Variants in DGKI observed in about 807,000 individuals in gnomAD.
The protein encoded by DGKI is diacylglycerol kinase iota.
Under a neutral mutation model 147.5 loss-of-function variants are expected in DGKI, and 55 were observed. That is an observed-to-expected ratio of 0.37 (90% CI 0.30 to 0.47). The LOEUF (loss-of-function observed/expected upper bound fraction) is 0.47, where lower values mean the gene tolerates loss of function less well. DGKI is among the 20% of genes least tolerant of loss of function. DGKI has a pLI of 1.00. For synonymous variants in DGKI, 469 were observed against 477.1 expected (o/e 0.98, Z 0.22); for missense variants, 1,007 against 1,323.8 (o/e 0.76, Z 3.71).
intron 1 of DGKI, among the ~76,000 whole-genome samples, chr7:137,833,260 C>A (rs191112553): frequency 6.6e-6 from 1 of 152,138 alleles, no homozygotes; most frequent in East Asian, 1.9e-4. Flanking sequence ...AAGACATACC[C>A]GAGACTGGGC....
intron 5 of DGKI, 133 bp downstream of exon 5, chr7:137,654,599 T>C (rs988616125): frequency 7.2e-6 from 5 of 693,326 alleles, no homozygotes; most frequent in Non-Finnish European, 1.3e-5. Context: ...TGCTTATTGA[T>C]GTGTTAACAA....
intron 27 of DGKI, among the ~76,000 whole-genome samples, chr7:137,460,747 T>C (rs139207185): frequency 2.6e-5 from 4 of 152,302 alleles, no homozygotes; most frequent in Non-Finnish European, 5.9e-5. Context: ...CTCCAACTTG[T>C]ACAATACAAA....
chr7:137,568,178 A>G (rs1818656418), intron 19 of DGKI, among the ~76,000 whole-genome samples: 1 of 152,176 alleles, frequency 6.6e-6, no homozygotes, highest in South Asian at 2.1e-4. Flanking sequence ...CATCTTTAGC[A>G]CCACCTGTGA....
chr7:137,485,353 G>A lies in DGKI; in HGVS notation c.2373+21C>T, dbSNP rs780041334. The A allele has an allele frequency of 6.3e-6, 10 of 1,591,236 alleles. No individual in the cohort carries two copies. In the South Asian group the frequency reaches 1.1e-4, roughly 18 times the overall value. ...CATTTGGCCAGAAGGTAAGAAACAA[G>A]GAGAGTCAATTATTTGTTACCTGGT... On this transcript the variant is annotated intron_variant, in intron 23 of 32. Transcript: ENST00000614521.
chr7:137,467,015 G>A (rs893775241), intron 24 of DGKI, 73 bp from the exon 25 acceptor site: 27 of 1,454,656 alleles, frequency 1.9e-5, no homozygotes, highest in Admixed American at 3.4e-5. Flanking sequence ...CCTTCTCTTC[G>A]ACTATGCTGG....
intron 11 of DGKI, among the ~76,000 whole-genome samples, chr7:137,598,906 C>T (rs1819889953): frequency 6.6e-6 from 1 of 151,946 alleles, no homozygotes; most frequent in African/African-American, 2.4e-5. Flanking sequence ...GAGGAAGAAT[C>T]TTGCAGCAAA....
rs151073132 is a variant in DGKI at position 137,391,415 on chromosome 7, A to C, written c.3058-79T>G. ...CTAGTCGTGAAATACAAAAACAAAAAACAAAACAAAACAAAAATCACAGAA... is the reference window on the plus strand; with the variant it reads ...CTAGTCGTGAAATACAAAAACAAAACACAAAACAAAACAAAAATCACAGAA... On this transcript the variant is annotated intron_variant, in intron 32 of 32. Coordinates refer to ENST00000614521, the MANE Select transcript of DGKI (RefSeq NM_001321708.2). 131 of 949,778 alleles carry C rather than the reference A, an allele frequency of 1.4e-4. 1 individual carries two copies. The East Asian group carries it at 3.3e-3, about 24-fold the overall frequency. 58.8% of individuals were successfully genotyped at this position (949,778 alleles called of 1,614,324 possible). A position where few individuals can be genotyped will look rare whatever the true frequency, so the allele number is the denominator to read the frequency against.
chr7:137,765,092 T>A (rs1795973101), intron 1 of DGKI, among the ~76,000 whole-genome samples: 1 of 152,190 alleles, frequency 6.6e-6, no homozygotes, highest in South Asian at 2.1e-4. Flanking sequence ...TGGGCAAACA[T>A]GAGGCGCCAG....
chr7:137,389,241 C>T lies in DGKI; in HGVS notation c.*1979G>A, dbSNP rs1811273734. On this transcript the variant is annotated 3_prime_UTR_variant, in exon 33 of 33. Transcript: ENST00000614521. Reference sequence around the variant, plus strand: ...CTGGAAACAATCTGCTGCAGTGTCTCCTGTAATATCCAAAGGATAGTTCCA... The same window carrying T: ...CTGGAAACAATCTGCTGCAGTGTCTTCTGTAATATCCAAAGGATAGTTCCA... The T allele has an allele frequency of 6.6e-6, 1 of 152,118 alleles. No individual in the cohort carries two copies. Among genetic ancestry groups the T allele is most frequent in the African/African-American group, 2.4e-5 (1 of 41,428 alleles). The allele number at this position is 152,118 out of a possible 1,614,324, so 9.4% of individuals were successfully genotyped here. A position where few individuals can be genotyped will look rare whatever the true frequency, so the allele number is the denominator to read the frequency against.
Position 137,391,015 on chromosome 7 carries a change from G to T in DGKI, c.*205C>A, listed in dbSNP as rs180913379. On this transcript the variant is annotated 3_prime_UTR_variant, in exon 33 of 33. Transcript: ENST00000614521. ...CGTACTGTATTCCACAAATCTCCAGGTATCCTGCCTCCTTCTCAATGGGCT... is the reference window on the plus strand; with the variant it reads ...CGTACTGTATTCCACAAATCTCCAGTTATCCTGCCTCCTTCTCAATGGGCT... 5.3e-6 allele frequency: 3 copies of T among 567,484 alleles called. No individual in the cohort carries two copies. The East Asian group carries it at 9.2e-5, about 17-fold the overall frequency. The allele number at this position is 567,484 out of a possible 1,614,324, so 35.2% of individuals were successfully genotyped here.
intron 20 of DGKI, among the ~76,000 whole-genome samples, chr7:137,546,616 C>G (rs1353808616): frequency 6.6e-6 from 1 of 152,208 alleles, no homozygotes; most frequent in African/African-American, 2.4e-5. Context: ...AGATTTCTCC[C>G]TTTTCTCCCT....
chr7:137,672,781 T>C (rs1196138505), intron 3 of DGKI, among the ~76,000 whole-genome samples: 2 of 142,288 alleles, frequency 1.4e-5, no homozygotes, highest in African/African-American at 2.7e-5. Context: ...TTTTTTTTTT[T>C]TTTTTTTTTT....
rs775815207 is a variant in DGKI, at chr7:137,466,883, AG to A, written c.2484+18del. 1.2e-6 allele frequency: 2 copies of A among 1,613,768 alleles called. No homozygotes were observed. The highest frequency in any genetic ancestry group is 1.7e-5 in the Admixed American group (1 of 60,016). Reference sequence around the variant, plus strand: ...TTGGGAATTTTTCACTTTCACAAGCAGGCTGGAAAAAAACTTACCTGAGATC... The same window carrying A: ...TTGGGAATTTTTCACTTTCACAAGCAGCTGGAAAAAAACTTACCTGAGATC... On this transcript the variant is annotated intron_variant, in intron 25 of 32. Transcript: ENST00000614521.
intron 24 of DGKI, 54 bp downstream of exon 24, chr7:137,469,496 T>G (rs1306971384): frequency 6.3e-7 from 1 of 1,580,888 alleles, no homozygotes; most frequent in Non-Finnish European, 8.7e-7. Flanking sequence ...AATTGATGCC[T>G]TGCTCTTCAA....
At chr7:137,403,407 T>C (rs1413531236) in intron 30 of DGKI, among the ~76,000 whole-genome samples, 2 of 152,106 alleles carry the variant, frequency 1.3e-5, no homozygotes, top group East Asian at 3.9e-4. Flanking sequence ...AAAGAGCCCA[T>C]AGAAGAGAAA....
At chr7:137,799,918 T>C (rs1434047687) in intron 1 of DGKI, among the ~76,000 whole-genome samples, 1 of 152,238 alleles carries the variant, frequency 6.6e-6, no homozygotes, top group East Asian at 1.9e-4. Context: ...ATTAGTTCTA[T>C]GCTAACTTTA....
At chr7:137,417,078 G>A (rs1188829069) in intron 28 of DGKI, among the ~76,000 whole-genome samples, 3 of 152,074 alleles carry the variant, frequency 2.0e-5, no homozygotes, top group African/African-American at 7.2e-5. Flanking sequence ...ACCTTCTGAA[G>A]GATTGAGCTT....
At chr7:137,618,149 A>ATTTTT (rs1202086534) in intron 8 of DGKI, among the ~76,000 whole-genome samples, 1 of 6,838 alleles carries the variant, frequency 1.5e-4, no homozygotes, top group African/African-American at 2.6e-4. Flanking sequence ...ATATATATAT[A>ATTTTT]TATTTTTTTT....
intron 23 of DGKI, among the ~76,000 whole-genome samples, chr7:137,478,556 G>A (rs1224756560): frequency 1.3e-5 from 2 of 152,156 alleles, no homozygotes; most frequent in African/African-American, 4.8e-5. Flanking sequence ...CTCACATCAG[G>A]TAAACACCTT....
Sources: gnomAD v4.1 joint callset for allele counts (sites outside exome capture counted in the v4.1 genomes callset) on GRCh38, gnomAD v4.1.1 for gene constraint, MANE v1.5 for transcripts, NCBI Gene and HGNC (gene_info 2026-07-23, HGNC 2026-07-21) for gene names.